The following INSR variants were observed in gnomAD, a reference collection of about 807,000 sequenced individuals.
INSR encodes the protein IR.
Under a neutral mutation model 142.6 loss-of-function variants are expected in INSR, and 67 were observed. The observed-to-expected ratio is 0.47, with a 90% CI of 0.39 to 0.58. The LOEUF (loss-of-function observed/expected upper bound fraction) is 0.58, where lower values mean the gene tolerates loss of function less well. INSR is among the 20% of genes least tolerant of loss of function. The probability of loss-of-function intolerance (pLI) is 0.00; values close to 1 mark genes in which losing one functional copy is unlikely to be tolerated. For synonymous variants in INSR, 756 were observed against 743.1 expected (o/e 1.02, Z -0.28); for missense variants, 1,248 against 1,833.2 (o/e 0.68, Z 5.83).
At chr19:7,245,789 TA>T (rs1196671004) in intron 2 of INSR, among the ~76,000 whole-genome samples, 1 of 151,844 alleles carries the variant, frequency 6.6e-6, no homozygotes, top group Admixed American at 6.6e-5. Flanking sequence ...AAAACAAAAC[TA>T]AAAAAACACA....
In INSR at chr19:7,114,485, A is replaced by G. The variant is rs1304970279; in HGVS notation, c.*2571T>C. On this transcript the variant is annotated 3_prime_UTR_variant, in exon 22 of 22. Coordinates refer to ENST00000302850, the MANE Select transcript of INSR (RefSeq NM_000208.4). Reference sequence around the variant, plus strand: ...TTACCAGCCAGGAAGAAAAGGATCTATGCTCGCATAAAGGCCATACCTTCT... The same window carrying G: ...TTACCAGCCAGGAAGAAAAGGATCTGTGCTCGCATAAAGGCCATACCTTCT... 6.6e-6 allele frequency: 1 copy of G among 152,388 alleles called. No individual in the cohort carries two copies. Among genetic ancestry groups the G allele is most frequent in the Non-Finnish European group, 1.5e-5 (1 of 68,038 alleles). The allele number at this position is 152,388 out of a possible 1,614,324, so 9.4% of individuals were successfully genotyped here.
intron 2 of INSR, among the ~76,000 whole-genome samples, chr19:7,243,690 A>G (rs1976440787): frequency 6.6e-6 from 1 of 152,222 alleles, no homozygotes; most frequent in African/African-American, 2.4e-5. Context: ...AAGACATTGC[A>G]AAATAAAACC....
intron 14 of INSR, among the ~76,000 whole-genome samples, chr19:7,130,304 G>A (rs771235839): frequency 6.6e-6 from 1 of 152,160 alleles, no homozygotes; most frequent in Non-Finnish European, 1.5e-5. Flanking sequence ...TTAACACAGG[G>A]ACAGAAAACC....
intron 2 of INSR, among the ~76,000 whole-genome samples, chr19:7,264,534 G>A (rs1015915975): frequency 1.3e-5 from 2 of 152,176 alleles, no homozygotes; most frequent in Non-Finnish European, 2.9e-5. Flanking sequence ...GGAAAACTCA[G>A]TAATAGAATA....
Position 7,293,837 on chromosome 19 carries a change from C to A in INSR, c.55G>T (p.Ala19Ser). 1 of 1,309,978 alleles carries A rather than the reference C, an allele frequency of 7.6e-7. No homozygotes were observed. Among genetic ancestry groups the A allele is most frequent in the Non-Finnish European group, 9.7e-7 (1 of 1,030,982 alleles). The allele number at this position is 1,309,978 out of a possible 1,614,324, so 81.1% of individuals were successfully genotyped here. ...CCCGCGGCGCCCAGTAGCAGCGCGGCCACCGCCACCAGCAGCGGCGCGGCC... is the reference window on the plus strand; with the variant it reads ...CCCGCGGCGCCCAGTAGCAGCGCGGACACCGCCACCAGCAGCGGCGCGGCC... ...AAAAPLLVAV[A>S]ALLLGAAGHL... Residue 19 changes from alanine to serine, a missense_variant, in exon 1 of 22, where the codon GCC (alanine) becomes TCC (serine). Transcript: ENST00000302850.
chr19:7,248,485 CAAA>C (rs758091489), intron 2 of INSR, among the ~76,000 whole-genome samples: 1 of 35,406 alleles, frequency 2.8e-5, no homozygotes, highest in Non-Finnish European at 4.5e-5. Flanking sequence ...GACCCCATCT[CAAA>C]AAAAAAAAAA....
intron 1 of INSR, among the ~76,000 whole-genome samples, chr19:7,285,990 G>T (rs907028341): frequency 2.6e-5 from 4 of 152,198 alleles, no homozygotes; most frequent in South Asian, 4.1e-4. Flanking sequence ...ATATTTTGTT[G>T]TTGTTGTTGT....
At chr19:7,163,509 G>A (rs905401433) in intron 8 of INSR, among the ~76,000 whole-genome samples, 10 of 151,538 alleles carry the variant, frequency 6.6e-5, no homozygotes, top group African/African-American at 2.4e-4. Context: ...GCAGTGAGCC[G>A]AGATTGCGCC....
intron 2 of INSR, among the ~76,000 whole-genome samples, chr19:7,199,630 T>C (rs189402499): frequency 4.1e-4 from 59 of 143,632 alleles, no homozygotes; most frequent in African/African-American, 1.5e-3. Flanking sequence ...AACTCCTGGC[T>C]TCAAGCAATC....
Position 7,150,453 on chromosome 19 carries a change from C to T in INSR, c.2267+44G>A, listed in dbSNP as rs367804877. 2.5e-5 allele frequency: 40 copies of T among 1,600,612 alleles called. No individual in the cohort carries two copies. The highest frequency in any genetic ancestry group is 3.1e-5 in the Non-Finnish European group (36 of 1,168,370). On this transcript the variant is annotated intron_variant, in intron 11 of 21. Transcript: ENST00000302850. This position sits in a 1 kb window ranked among gnomAD's most constrained non-coding sequence, Gnocchi z 4.2. The stretch of plus-strand genomic sequence containing the variant: ...AGGCATCTGCCTGGCACGCCGCCGG[C>T]CCTGCGCGGAGCAGGCACCAGGGGT...
chr19:7,198,575 C>T (rs774079003), intron 2 of INSR, among the ~76,000 whole-genome samples: 10 of 152,074 alleles, frequency 6.6e-5, no homozygotes, highest in Non-Finnish European at 1.5e-4. Context: ...CCCAGGCCTC[C>T]CTCGGGAGGG....
Position 7,242,149 on chromosome 19 carries a change from G to C in INSR, c.652+25196C>G, listed in dbSNP as rs1600081779. Among the ~76,000 whole-genome samples the C allele has an allele frequency of 5.2e-5, 5 of 96,492 alleles. 1 individual carries two copies. The East Asian group carries it at 2.6e-3, about 51-fold the overall frequency. 63.3% of individuals were successfully genotyped at this position (96,492 alleles called of 152,430 possible). On this transcript the variant is annotated intron_variant, in intron 2 of 21. Coordinates refer to ENST00000302850, the MANE Select transcript of INSR (RefSeq NM_000208.4). ...GCCTGGGTGACAGAGTGAGACTCTT[G>C]TCTCAAAAAAAAAAAAAGAAGAAGG...
Position 7,115,948 on chromosome 19 carries a change from C to T in INSR, c.*1108G>A, listed in dbSNP as rs1168123108. 2 of 152,196 alleles carry T rather than the reference C, an allele frequency of 1.3e-5. No individual in the cohort carries two copies. Among genetic ancestry groups the T allele is most frequent in the African/African-American group, 4.8e-5 (2 of 41,430 alleles). The allele number at this position is 152,196 out of a possible 1,614,324, so 9.4% of individuals were successfully genotyped here. A position where few individuals can be genotyped will look rare whatever the true frequency, so the allele number is the denominator to read the frequency against. ...TGACTCCCTCCCCTTCCCGGCCCCA[C>T]AACAGGCAGACCAACTCATGTCCCC... On this transcript the variant is annotated 3_prime_UTR_variant, in exon 22 of 22. Transcript: ENST00000302850.
intron 1 of INSR, among the ~76,000 whole-genome samples, chr19:7,282,786 C>A (rs1292071358): frequency 6.6e-6 from 1 of 151,356 alleles, no homozygotes; most frequent in Non-Finnish European, 1.5e-5. Context: ...GAGATCGAGA[C>A]CACGGTGAAA....
intron 13 of INSR, among the ~76,000 whole-genome samples, chr19:7,134,806 C>G (rs1172189900): frequency 1.3e-5 from 2 of 151,818 alleles, no homozygotes; most frequent in Non-Finnish European, 2.9e-5. Flanking sequence ...CAAAAATAAA[C>G]ACATAAAATA....
Position 7,117,236 on chromosome 19 carries a change from G to T in INSR, c.3969C>A (p.Asp1323Glu), listed in dbSNP as rs990716608. Residue 1323 changes from aspartate (D) to glutamate (E), a missense_variant, in exon 22 of 22, where the codon GAC (aspartate) becomes GAA (glutamate). This residue lies in a region of INSR where 122 missense variants were observed against 129.8 expected (regional missense o/e 0.94). Coordinates refer to ENST00000302850, the MANE Select transcript of INSR (RefSeq NM_000208.4). ...AACGGTCCAGGGGCACATTCTCCAT[G>T]TCCTCAAACTCCATCTCCAGCTCCT... ...ESEELEMEFE[D>E]MENVPLDRSS... 3 of 1,614,156 alleles carry T rather than the reference G, an allele frequency of 1.9e-6. No individual in the cohort carries two copies. The highest frequency in any genetic ancestry group is 2.5e-6 in the Non-Finnish European group (3 of 1,180,040).
At chr19:7,200,453 G>A (rs1974920669) in intron 2 of INSR, among the ~76,000 whole-genome samples, 2 of 152,152 alleles carry the variant, frequency 1.3e-5, no homozygotes, top group South Asian at 4.1e-4. Flanking sequence ...CACTTTGGAG[G>A]CTGAGGTGGG....
At chr19:7,203,005 T>TTTTTTTG (rs1975010736) in intron 2 of INSR, among the ~76,000 whole-genome samples, 2 of 147,874 alleles carry the variant, frequency 1.4e-5, no homozygotes, top group African/African-American at 5.0e-5. Context: ...TGTTTTTTTT[T>TTTTTTTG]TTTTTTTTTC....
chr19:7,159,173 G>A lies in INSR; in HGVS notation c.2029+3859C>T, dbSNP rs530237728. 4.9e-4 allele frequency among the ~76,000 whole-genome samples: 75 copies of A among 152,264 alleles called. No individual in the cohort carries two copies. Among genetic ancestry groups the A allele is most frequent in the African/African-American group, 1.6e-3 (67 of 41,550 alleles). ...CCCCACCTCGGCCTCCCAGTGTGCTGGGATTACAGGCGTGAGCCACTGTGC... is the reference window on the plus strand; with the variant it reads ...CCCCACCTCGGCCTCCCAGTGTGCTAGGATTACAGGCGTGAGCCACTGTGC... On this transcript the variant is annotated intron_variant, in intron 9 of 21. Transcript: ENST00000302850. The surrounding 1 kb of genome is among the most constrained non-coding windows in gnomAD (Gnocchi z 4.3).
Sources: allele counts gnomAD v4.1 joint callset (sites outside exome capture counted in the v4.1 genomes callset), GRCh38; gene constraint gnomAD v4.1.1; regional missense constraint gnomAD v4.1.1; non-coding constraint Gnocchi (gnomAD v3.1); transcripts MANE v1.5; gene names NCBI Gene and HGNC (gene_info 2026-07-23, HGNC 2026-07-21).